The following TSPAN7 variants were observed in gnomAD, a reference collection of about 807,000 sequenced individuals.
TSPAN7 encodes tetraspanin-7.
In TSPAN7, 1 loss-of-function variant was observed where a neutral mutation model predicts 17.6. The ratio of observed to expected loss-of-function variants is 0.06; its 90% CI spans 0.02 to 0.27. TSPAN7 has a LOEUF of 0.27. Among genes scored for constraint, TSPAN7 ranks in the 10% least tolerant of loss-of-function variants. TSPAN7 has a pLI of 1.00. For synonymous variants in TSPAN7, 78 were observed against 79.0 expected, an observed-to-expected ratio of 0.99 and a Z score of 0.07; for missense variants, 112 against 201.7, an observed-to-expected ratio of 0.56 and a Z score of 2.69.
intron 1 of TSPAN7, among the ~76,000 whole-genome samples, chrX:38,563,454 T>A (rs376427275): frequency 9.3e-6 from 1 of 108,103 alleles, no homozygotes; most frequent in South Asian, 4.0e-4. Flanking sequence ...TTCCTATTTG[T>A]TACTGGAGTG....
At chrX:38,575,160 G>A (rs1373018486) in intron 1 of TSPAN7, among the ~76,000 whole-genome samples, 1 of 110,667 alleles carries the variant, frequency 9.0e-6, no homozygotes, top group Non-Finnish European at 1.9e-5. Context: ...ACTGAATGCT[G>A]CCAATAGTCA....
rs973497016 is a variant in TSPAN7, at chrX:38,660,715, G to A, written c.82-5406G>A. Among the ~76,000 whole-genome samples, 18 of 111,961 alleles carry A rather than the reference G, an allele frequency of 1.6e-4. No homozygotes were observed. The Admixed American group carries it at 1.7e-3, about 11-fold the overall frequency. On this transcript the variant is annotated intron_variant, in intron 1 of 7. Coordinates refer to ENST00000378482, the MANE Select transcript of TSPAN7 (RefSeq NM_004615.4). ...AGCTAAGACTTCTGCCTACGATCTC[G>A]CCTGTGTGTTTCTTTTTGTTGGTTT...
intron 1 of TSPAN7, among the ~76,000 whole-genome samples, chrX:38,616,348 G>A (rs752358400): frequency 8.9e-6 from 1 of 111,844 alleles, no homozygotes; most frequent in Non-Finnish European, 1.9e-5. Flanking sequence ...ACAAAGACTG[G>A]CTCCAGAGCC....
intron 1 of TSPAN7, among the ~76,000 whole-genome samples, chrX:38,652,651 A>G (rs996953698): frequency 1.8e-5 from 2 of 112,536 alleles, no homozygotes; most frequent in Non-Finnish European, 3.8e-5. Context: ...ATAATCCAGA[A>G]CACAGCCCAG....
intron 3 of TSPAN7, among the ~76,000 whole-genome samples, chrX:38,673,802 T>C (rs990534882): frequency 9.0e-6 from 1 of 111,545 alleles, no homozygotes; most frequent in Non-Finnish European, 1.9e-5. Flanking sequence ...AAAACATCAG[T>C]CATCCTGTCC....
intron 5 of TSPAN7, among the ~76,000 whole-genome samples, chrX:38,679,348 C>A (rs7066185): frequency 0.035 from 3,964 of 111,943 alleles, 174 homozygotes; most frequent in African/African-American, 0.12. Context: ...CATTCTTTAG[C>A]CCCATCATCA....
intron 1 of TSPAN7, among the ~76,000 whole-genome samples, chrX:38,575,261 G>A (rs1044572883): frequency 1.8e-5 from 2 of 111,620 alleles, no homozygotes; most frequent in African/African-American, 6.5e-5. Flanking sequence ...GCAAGGCCCT[G>A]AAACAGAAGA....
At chrX:38,648,971 G>C (rs2147439740) in intron 1 of TSPAN7, among the ~76,000 whole-genome samples, 1 of 110,096 alleles carries the variant, frequency 9.1e-6, no homozygotes, top group East Asian at 2.8e-4. Context: ...ATTCCTGTTA[G>C]GTAAGGAGGG....
In TSPAN7 at chrX:38,645,085, C is replaced by T. The variant is rs1158147587; in HGVS notation, c.82-21036C>T. Among the ~76,000 whole-genome samples the T allele has an allele frequency of 5.4e-5, 6 of 112,060 alleles. No homozygotes were observed. In the East Asian group the frequency reaches 1.4e-3, roughly 26 times the overall value. On this transcript the variant is annotated intron_variant, in intron 1 of 7. Coordinates refer to ENST00000378482, the MANE Select transcript of TSPAN7 (RefSeq NM_004615.4). ...AGGGTTTAGAAAATGTCATGACATC[C>T]GTATTTGCAGTGAAGTCACCCCACC...
At chrX:38,599,717 A>C (rs2069335884) in intron 1 of TSPAN7, among the ~76,000 whole-genome samples, 1 of 111,541 alleles carries the variant, frequency 9.0e-6, no homozygotes, top group African/African-American at 3.3e-5. Flanking sequence ...AAGCAAGCAA[A>C]GGGCATTATT....
At chrX:38,627,593 G>A (rs2069528843) in intron 1 of TSPAN7, among the ~76,000 whole-genome samples, 1 of 111,920 alleles carries the variant, frequency 8.9e-6, no homozygotes, top group African/African-American at 3.3e-5. Flanking sequence ...AGTAAGCCCA[G>A]TCAAGATCAT....
chrX:38,621,918 G>T (rs937440238), intron 1 of TSPAN7, among the ~76,000 whole-genome samples: 1 of 112,322 alleles, frequency 8.9e-6, no homozygotes, highest in African/African-American at 3.2e-5. Context: ...AACAGTTGCA[G>T]ATGCAGAATT....
chrX:38,600,923 T>C (rs998302851), intron 1 of TSPAN7, among the ~76,000 whole-genome samples: 20 of 111,781 alleles, frequency 1.8e-4, no homozygotes, highest in African/African-American at 5.8e-4. Context: ...GGCTAATTTG[T>C]CTGTTTAAGC....
intron 1 of TSPAN7, among the ~76,000 whole-genome samples, chrX:38,638,902 A>G (rs1602108606): frequency 8.9e-6 from 1 of 111,856 alleles, no homozygotes; most frequent in South Asian, 3.8e-4. Flanking sequence ...GGTTTAAGAC[A>G]TACAGCAAGC....
At chrX:38,569,924 T>C (rs2069161414) in intron 1 of TSPAN7, among the ~76,000 whole-genome samples, 1 of 111,959 alleles carries the variant, frequency 8.9e-6, no homozygotes, top group Admixed American at 9.5e-5. Flanking sequence ...GTCGGGCTAT[T>C]CTAATAAATA....
intron 5 of TSPAN7, among the ~76,000 whole-genome samples, chrX:38,680,538 A>ATTCT (rs1219876751): frequency 0.017 from 1,152 of 68,898 alleles, 24 homozygotes; most frequent in African/African-American, 0.064. Context: ...ATACTTACAA[A>ATTCT]TTCTCTCTCT....
intron 5 of TSPAN7, 137 bp from the exon 6 acceptor site, chrX:38,681,067 A>C (rs1448195424): frequency 1.3e-5 from 7 of 532,883 alleles, no homozygotes; most frequent in Admixed American, 7.7e-5. Context: ...AAAGAATGCT[A>C]ATAAATCCCT....
intron 1 of TSPAN7, among the ~76,000 whole-genome samples, chrX:38,561,912 C>A (rs1474135419): frequency 8.9e-6 from 1 of 111,767 alleles, no homozygotes; most frequent in East Asian, 2.8e-4. Flanking sequence ...GCATTAGTTT[C>A]TTTTATAATC....
At chrX:38,668,378 C>T (rs2069796902) in intron 2 of TSPAN7, among the ~76,000 whole-genome samples, 1 of 111,955 alleles carries the variant, frequency 8.9e-6, no homozygotes, top group Admixed American at 9.4e-5. Context: ...TTAGTTCTGG[C>T]CTCTTCTGGA....
Sources: gnomAD v4.1 joint callset for allele counts (sites outside exome capture counted in the v4.1 genomes callset) on GRCh38, gnomAD v4.1.1 for gene constraint, MANE v1.5 for transcripts, NCBI Gene and HGNC (gene_info 2026-07-23, HGNC 2026-07-21) for gene names.